Variants in MIPEP observed in about 807,000 individuals in gnomAD.
MIPEP encodes mitochondrial intermediate peptidase.
In MIPEP, 79 loss-of-function variants were observed where a neutral mutation model predicts 90.3. The observed-to-expected ratio is 0.87, with a 90% CI of 0.73 to 1.05. The LOEUF (loss-of-function observed/expected upper bound fraction) is 1.05. Ranked by LOEUF, MIPEP falls within the 50% of genes least tolerant of loss-of-function variation. The pLI, the probability that MIPEP is intolerant of heterozygous loss-of-function variation, is 0.00. For missense variants in MIPEP, 940 were observed against 905.6 expected (o/e 1.04, Z -0.49); for synonymous variants, 334 against 315.8 (o/e 1.06, Z -0.61).
intron 1 of MIPEP, 21 bp from the exon 2 acceptor site, chr13:23,886,527 C>T: frequency 6.6e-7 from 1 of 1,510,888 alleles, no homozygotes; most frequent in South Asian, 1.3e-5. Context: ...AAGAATACGT[C>T]TGATTTATAA....
chr13:23,761,127 C>CTT (rs1219595422), intron 16 of MIPEP, among the ~76,000 whole-genome samples: 8 of 139,050 alleles, frequency 5.8e-5, no homozygotes, highest in South Asian at 4.8e-4. Context: ...GGAATGCATT[C>CTT]TTTTTTTTTT....
At chr13:23,836,640 T>C (rs1021646001) in intron 13 of MIPEP, among the ~76,000 whole-genome samples, 3 of 152,254 alleles carry the variant, frequency 2.0e-5, no homozygotes, top group African/African-American at 7.2e-5. Context: ...TCAGCTATGC[T>C]GGCTATACAT....
intron 16 of MIPEP, among the ~76,000 whole-genome samples, chr13:23,793,904 G>A (rs1041052277): frequency 1.3e-5 from 2 of 152,022 alleles, no homozygotes; most frequent in African/African-American, 2.4e-5. Flanking sequence ...ACCAGACCAC[G>A]CAGGAACTTG....
rs770862949 is a variant in MIPEP, at chr13:23,730,473, C to T, written c.2045-28G>A. 25 of 1,485,446 alleles carry T rather than the reference C, an allele frequency of 1.7e-5. No homozygotes were observed. The East Asian group carries it at 2.1e-4, about 12-fold the overall frequency. 92.0% of individuals were successfully genotyped at this position (1,485,446 alleles called of 1,614,324 possible). On this transcript the variant is annotated intron_variant, in intron 18 of 18. Transcript: ENST00000382172. ...GCAAACAAAGGAAAGGTCAGAACTG[C>T]GTTCACCAGGAGGCAACAGGAAGCA...
At chr13:23,742,780 A>G (rs921326281) in intron 18 of MIPEP, among the ~76,000 whole-genome samples, 3 of 152,338 alleles carry the variant, frequency 2.0e-5, no homozygotes, top group African/African-American at 7.2e-5. Context: ...GAAATAAAAG[A>G]TGGAATTAAA....
chr13:23,756,986 G>C (rs769918770), intron 17 of MIPEP, among the ~76,000 whole-genome samples: 5 of 152,184 alleles, frequency 3.3e-5, no homozygotes, highest in Non-Finnish European at 5.9e-5. Flanking sequence ...GAGGGTTGAT[G>C]GGGGAGGGAT....
chr13:23,871,461 T>G (rs1472384066), intron 5 of MIPEP, among the ~76,000 whole-genome samples: 1 of 152,136 alleles, frequency 6.6e-6, no homozygotes, highest in Non-Finnish European at 1.5e-5. Flanking sequence ...AGGCTCTGCA[T>G]ATGAATTTTC....
In MIPEP at chr13:23,862,300, A is replaced by T; in HGVS notation, c.1053+2T>A. 1 of 1,526,114 alleles carries T rather than the reference A, an allele frequency of 6.6e-7. No individual in the cohort carries two copies. Among genetic ancestry groups the T allele is most frequent in the Non-Finnish European group, 9.0e-7 (1 of 1,109,454 alleles). The allele number at this position is 1,526,114 out of a possible 1,614,324, so 94.5% of individuals were successfully genotyped here. ...ATAATAAAAATATTCCAACATACTT[A>T]CGGAATTTTGAGGATTCAGTTTCAT... is the stretch of plus-strand genomic sequence containing the variant. On this transcript the variant is annotated splice_donor_variant, in intron 9 of 18. Transcript: ENST00000382172. LOFTEE classifies it high-confidence loss of function.
intron 10 of MIPEP, among the ~76,000 whole-genome samples, chr13:23,848,524 A>G (rs1256826159): frequency 2.6e-5 from 4 of 152,198 alleles, no homozygotes; most frequent in African/African-American, 9.7e-5. Context: ...GGGGCAGAGG[A>G]GCACTGCAAA....
intron 7 of MIPEP, among the ~76,000 whole-genome samples, 182 bp from the exon 8 acceptor site, chr13:23,864,371 G>C (rs1055937016): frequency 6.6e-6 from 1 of 152,042 alleles, no homozygotes; most frequent in Non-Finnish European, 1.5e-5. Context: ...AGGTGATGAC[G>C]ATCTTTTAAT....
chr13:23,864,186 G>A lies in MIPEP; in HGVS notation c.947C>T (p.Thr316Ile), dbSNP rs1412811275. ...LQGTIAKNPE[T>I]VMQFLEKLSD... Reference sequence around the variant, plus strand: ...TAGTTTTTCAAGGAACTGCATGACAGTCTCTAAAACGAAATCCAAAAGAAA... The same window carrying A: ...TAGTTTTTCAAGGAACTGCATGACAATCTCTAAAACGAAATCCAAAAGAAA... Residue 316 changes from threonine to isoleucine, a missense_variant, in exon 8 of 19, where the codon ACT becomes ATT. Coordinates refer to ENST00000382172, the MANE Select transcript of MIPEP (RefSeq NM_005932.4). The A allele has an allele frequency of 6.4e-7, 1 of 1,558,584 alleles. No individual in the cohort carries two copies.
At chr13:23,799,555 T>C (rs1953009702) in intron 16 of MIPEP, among the ~76,000 whole-genome samples, 1 of 147,688 alleles carries the variant, frequency 6.8e-6, no homozygotes, top group Non-Finnish European at 1.5e-5. Context: ...CTGGATCTCC[T>C]GACCTCATGG....
chr13:23,884,899 T>C (rs1249156524), intron 2 of MIPEP, among the ~76,000 whole-genome samples: 1 of 152,224 alleles, frequency 6.6e-6, no homozygotes, highest in African/African-American at 2.4e-5. Flanking sequence ...TTAAATTGTG[T>C]GTGCTGCTTT....
rs1029967271 is a variant in MIPEP at position 23,730,391 on chromosome 13, T to A, written c.2099A>T (p.Asp700Val). The A allele has an allele frequency of 2.5e-6, 4 of 1,612,818 alleles. No homozygotes were observed. Among genetic ancestry groups the A allele is most frequent in the Non-Finnish European group, 3.4e-6 (4 of 1,179,130 alleles). The change falls in exon 19 of 19, where the codon GAC becomes GTC. Residue 700 changes from aspartate (D) to valine (V), a missense_variant. Coordinates refer to ENST00000382172, the MANE Select transcript of MIPEP (RefSeq NM_005932.4). ...GAAAGTTTCGAAGTCCAGATCCAAG[T>A]CGGAAACGAGGGCACTTACGAAGTC... ...VDDFVSALVS[D>V]LDLDFETFLM...
intron 16 of MIPEP, among the ~76,000 whole-genome samples, chr13:23,785,430 A>G (rs1226132129): frequency 1.3e-5 from 2 of 148,426 alleles, no homozygotes; most frequent in African/African-American, 4.9e-5. Flanking sequence ...ACAGGTGGGA[A>G]CTGAACAATG....
intron 2 of MIPEP, 52 bp from the exon 3 acceptor site, chr13:23,881,839 TC>T: frequency 7.1e-7 from 1 of 1,415,960 alleles, no homozygotes; most frequent in Non-Finnish European, 9.9e-7. Flanking sequence ...GAAGCTTTCT[TC>T]CAGGATCTGA....
rs116752911 is a variant in MIPEP, at chr13:23,874,000, T to C, written c.603+846A>G. Among the ~76,000 whole-genome samples, 1,522 of 152,340 alleles carry C rather than the reference T, an allele frequency of 1.0e-2. 31 individuals are homozygous for C. Among genetic ancestry groups the C allele is most frequent in the African/African-American group, 0.034 (1,393 of 41,582 alleles). The stretch of plus-strand genomic sequence containing the variant: ...CCTATCAAAATGGTAACATCTATTG[T>C]ATGTGATACATATTTCCAAGGCCCT... On this transcript the variant is annotated intron_variant, in intron 5 of 18. Coordinates refer to ENST00000382172, the MANE Select transcript of MIPEP (RefSeq NM_005932.4).
At chr13:23,816,298 T>C (rs1251251162) in intron 14 of MIPEP, among the ~76,000 whole-genome samples, 1 of 152,200 alleles carries the variant, frequency 6.6e-6, no homozygotes, top group African/African-American at 2.4e-5. Context: ...TATGTTACAC[T>C]GGCTGGTATT....
At chr13:23,748,704 C>T (rs921070633) in intron 18 of MIPEP, among the ~76,000 whole-genome samples, 3 of 152,104 alleles carry the variant, frequency 2.0e-5, no homozygotes, top group African/African-American at 7.2e-5. Flanking sequence ...AAATGTAAAA[C>T]ACATTTCCTT....
Sources: gnomAD v4.1 joint callset for allele counts (sites outside exome capture counted in the v4.1 genomes callset) on GRCh38, gnomAD v4.1.1 for gene constraint, MANE v1.5 for transcripts, NCBI Gene and HGNC (gene_info 2026-07-23, HGNC 2026-07-21) for gene names.